The following TIAM1 variants were observed in gnomAD, a reference collection of about 807,000 sequenced individuals.
TIAM1 encodes rho guanine nucleotide exchange factor TIAM1.
A neutral mutation model predicts 163.5 loss-of-function variants in TIAM1; 65 were observed. That is an observed-to-expected ratio of 0.40 (90% CI 0.33 to 0.49). The LOEUF is 0.49. TIAM1 is among the 20% of genes least tolerant of loss of function. The probability of loss-of-function intolerance (pLI) is 0.77; values close to 1 mark genes in which losing one functional copy is unlikely to be tolerated. For missense variants in TIAM1, 1,789 were observed against 2,044.7 expected (o/e 0.87, Z 2.41); for synonymous variants, 833 against 810.1 (o/e 1.03, Z -0.48).
chr21:31,281,048 G>A (rs1447844996), intron 2 of TIAM1, among the ~76,000 whole-genome samples: 1 of 134,334 alleles, frequency 7.4e-6, no homozygotes, highest in Non-Finnish European at 1.5e-5. Context: ...CCAGGAGTTT[G>A]AGGTTATAGC....
intron 1 of TIAM1, among the ~76,000 whole-genome samples, chr21:31,521,727 G>A (rs911475814): frequency 9.1e-6 from 1 of 109,356 alleles, no homozygotes; most frequent in Non-Finnish European, 2.1e-5. Flanking sequence ...AACAGAGCAA[G>A]ACCCTGCCTC....
At chr21:31,243,795 A>G (rs923608391) in intron 6 of TIAM1, among the ~76,000 whole-genome samples, 24 of 152,238 alleles carry the variant, frequency 1.6e-4, no homozygotes, top group Non-Finnish European at 1.2e-4. Context: ...ATTTTTCATC[A>G]AACACCATGA....
At position 31,223,610 on chromosome 21, in the gene TIAM1, G is replaced by A. The variant is rs181187809; in HGVS notation, c.1810-19C>T. 5.3e-5 allele frequency: 83 copies of A among 1,567,730 alleles called. No individual in the cohort carries two copies. Among genetic ancestry groups the A allele is most frequent in the African/African-American group, 1.2e-4 (9 of 72,792 alleles). On this transcript the variant is annotated intron_variant, in intron 7 of 27. Coordinates refer to ENST00000541036, the MANE Select transcript of TIAM1 (RefSeq NM_001353694.2). ...CAAAGATCTATGGTAGTGAAAACAC[G>A]GGAAAAGAAAAAGTGAGAAAATGGG...
At chr21:31,379,736 C>T (rs1328803506) in intron 2 of TIAM1, among the ~76,000 whole-genome samples, 2 of 152,094 alleles carry the variant, frequency 1.3e-5, no homozygotes, top group African/African-American at 4.8e-5. Context: ...CAAAGATCAA[C>T]CTCAAAAACA....
chr21:31,541,223 G>T (rs575130762), intron 1 of TIAM1, among the ~76,000 whole-genome samples: 1 of 152,204 alleles, frequency 6.6e-6, no homozygotes, highest in Admixed American at 6.5e-5. Context: ...TTGGGAGGCT[G>T]AGGCGGGCAG....
intron 1 of TIAM1, among the ~76,000 whole-genome samples, chr21:31,500,956 C>T (rs1287902397): frequency 6.6e-6 from 1 of 152,208 alleles, no homozygotes; most frequent in Non-Finnish European, 1.5e-5. Context: ...AAATTCTTGA[C>T]TTGCCTGAGA....
chr21:31,355,758 G>A (rs538862529), intron 2 of TIAM1, among the ~76,000 whole-genome samples: 88 of 152,132 alleles, frequency 5.8e-4, no homozygotes, highest in African/African-American at 1.8e-3. Context: ...TGTCATGTTG[G>A]CCAGGCTGGT....
chr21:31,336,146 A>T (rs1385961993), intron 2 of TIAM1, among the ~76,000 whole-genome samples: 1 of 152,138 alleles, frequency 6.6e-6, no homozygotes, highest in Non-Finnish European at 1.5e-5. Flanking sequence ...GACAGACGCC[A>T]CTGGGGAGCG....
intron 1 of TIAM1, among the ~76,000 whole-genome samples, chr21:31,523,273 T>C (rs1200571424): frequency 6.6e-6 from 1 of 152,212 alleles, no homozygotes; most frequent in African/African-American, 2.4e-5. Context: ...AAATATAGCC[T>C]AATGAACTGA....
chr21:31,392,611 A>G (rs1225673519), intron 2 of TIAM1, among the ~76,000 whole-genome samples: 1 of 150,676 alleles, frequency 6.6e-6, no homozygotes, highest in Non-Finnish European at 1.5e-5. Context: ...ATGATCTTCA[A>G]TACCTGATAT....
At chr21:31,457,387 C>T (rs2833409) in intron 2 of TIAM1, among the ~76,000 whole-genome samples, 10,966 of 152,138 alleles carry the variant, frequency 0.072, 759 homozygotes, top group African/African-American at 0.18. Context: ...GCAATGACAA[C>T]GACATTAACA....
At position 31,187,094 on chromosome 21, in the gene TIAM1, A is replaced by G. The variant is rs766328075; in HGVS notation, c.2576-7T>C. 6.2e-7 allele frequency: 1 copy of G among 1,613,926 alleles called. No homozygotes were observed. Among genetic ancestry groups the G allele is most frequent in the South Asian group, 1.1e-5 (1 of 91,072 alleles). On this transcript the variant is annotated splice_polypyrimidine_tract_variant and splice_region_variant and intron_variant, in intron 13 of 27. Transcript: ENST00000541036. ...ACAGAAGAAAGTGAAAACCCTGTGA[A>G]ACACAAAAAGACAGAATGGCAGGGC...
chr21:31,427,314 G>A (rs2043827777), intron 2 of TIAM1, among the ~76,000 whole-genome samples: 2 of 152,036 alleles, frequency 1.3e-5, no homozygotes, highest in African/African-American at 4.8e-5. Flanking sequence ...GTGAAACCCT[G>A]TCTCTACTAA....
intron 2 of TIAM1, among the ~76,000 whole-genome samples, chr21:31,279,002 C>T (rs776433853): frequency 2.0e-5 from 3 of 152,164 alleles, no homozygotes; most frequent in Non-Finnish European, 4.4e-5. Flanking sequence ...CGGCAGGCGG[C>T]TGTCCTTCCA....
chr21:31,189,904 CT>C (rs2085473373), intron 13 of TIAM1, among the ~76,000 whole-genome samples: 1 of 152,128 alleles, frequency 6.6e-6, no homozygotes, highest in South Asian at 2.1e-4. Context: ...AGATCTATTT[CT>C]TTTAAATAGG....
intron 1 of TIAM1, among the ~76,000 whole-genome samples, chr21:31,464,958 T>G (rs889236881): frequency 2.6e-5 from 4 of 151,748 alleles, no homozygotes; most frequent in African/African-American, 9.7e-5. Flanking sequence ...TGCAATAAGC[T>G]GAGATGGCAC....
At chr21:31,459,761 G>T (rs1006098784) in intron 2 of TIAM1, among the ~76,000 whole-genome samples, 3 of 152,142 alleles carry the variant, frequency 2.0e-5, no homozygotes, top group Non-Finnish European at 4.4e-5. Flanking sequence ...AATGCACAAG[G>T]AACTTTTGGA....
intron 1 of TIAM1, among the ~76,000 whole-genome samples, chr21:31,473,040 A>C (rs1278762680): frequency 6.6e-6 from 1 of 152,170 alleles, no homozygotes; most frequent in East Asian, 1.9e-4. Context: ...GGAGCTGGCA[A>C]GGGAATGGCC....
At chr21:31,155,058 C>A (rs1292737599) in intron 16 of TIAM1, among the ~76,000 whole-genome samples, 1 of 152,220 alleles carries the variant, frequency 6.6e-6, no homozygotes, top group East Asian at 1.9e-4. Flanking sequence ...AGATACCACT[C>A]CCCTTTAAGA....
Sources: allele counts gnomAD v4.1 joint callset (sites outside exome capture counted in the v4.1 genomes callset), GRCh38; gene constraint gnomAD v4.1.1; transcripts MANE v1.5; gene names NCBI Gene and HGNC (gene_info 2026-07-23, HGNC 2026-07-21).